PTPRC: variants seen among roughly 807,000 people sequenced by gnomAD.
PTPRC encodes protein tyrosine phosphatase receptor type C.
Under a neutral mutation model 155.9 loss-of-function variants are expected in PTPRC, and 44 were observed. The ratio of observed to expected loss-of-function variants is 0.28; its 90% CI spans 0.22 to 0.36. PTPRC has a LOEUF of 0.36. Among genes scored for constraint, PTPRC ranks in the 10% least tolerant of loss-of-function variants. PTPRC has a pLI of 1.00. For synonymous variants in PTPRC, 525 were observed against 533.1 expected, an observed-to-expected ratio of 0.98 and a Z score of 0.21; for missense variants, 1,401 against 1,564.6, an observed-to-expected ratio of 0.90 and a Z score of 1.76.
chr1:198,710,097 G>A (rs935782637), intron 11 of PTPRC, among the ~76,000 whole-genome samples: 2 of 152,048 alleles, frequency 1.3e-5, no homozygotes, highest in Admixed American at 1.3e-4. Context: ...ATTTAGCTCT[G>A]TTACCCACTT....
chr1:198,744,391 A>G (rs1558035990), intron 26 of PTPRC, among the ~76,000 whole-genome samples, 188 bp downstream of exon 26: 1 of 151,878 alleles, frequency 6.6e-6, no homozygotes, highest in Non-Finnish European at 1.5e-5. Context: ...CAACTATTAC[A>G]TAGGAGATTT....
chr1:198,756,279 A>G lies in PTPRC; in HGVS notation c.*98A>G. 7.0e-7 allele frequency: 1 copy of G among 1,429,866 alleles called. No homozygotes were observed. 88.6% of individuals were successfully genotyped at this position (1,429,866 alleles called of 1,614,324 possible). ...AAAATAGGTATACAGTGGATTAATTAAATGCAGCGAACCAATATTTGTAGA... is the reference window on the plus strand; with the variant it reads ...AAAATAGGTATACAGTGGATTAATTGAATGCAGCGAACCAATATTTGTAGA... On this transcript the variant is annotated 3_prime_UTR_variant, in exon 33 of 33. Transcript: ENST00000442510.
At chr1:198,696,074 C>G (rs941200495) in intron 3 of PTPRC, among the ~76,000 whole-genome samples, 1 of 151,802 alleles carries the variant, frequency 6.6e-6, no homozygotes, top group African/African-American at 2.4e-5. Context: ...GCAAGAGAAT[C>G]GCTTGAACCA....
intron 15 of PTPRC, among the ~76,000 whole-genome samples, chr1:198,723,148 C>T (rs1306272918): frequency 6.7e-6 from 1 of 149,474 alleles, no homozygotes; most frequent in Non-Finnish European, 1.5e-5. Flanking sequence ...ATATTGTATA[C>T]TGCTCTTTCT....
rs1654429978 is a variant in PTPRC at position 198,732,314 on chromosome 1, G to T, written c.1989G>T (p.Val663=). 5.6e-6 allele frequency: 9 copies of T among 1,612,104 alleles called. No individual in the cohort carries two copies. Among genetic ancestry groups the T allele is most frequent in the Non-Finnish European group, 7.6e-6 (9 of 1,178,796 alleles). The change falls in exon 19 of 33, where the codon GTG becomes GTT. Residue 663 remains valine (V), a synonymous_variant. Coordinates refer to ENST00000442510, the MANE Select transcript of PTPRC (RefSeq NM_002838.5). Reference sequence around the variant, plus strand: ...GTTTCTTTCAGAGCATCCCGCGGGTGTTCAGCAAGTTTCCTATAAAGGAAG... The same window carrying T: ...GTTTCTTTCAGAGCATCCCGCGGGTTTTCAGCAAGTTTCCTATAAAGGAAG... ...FLAEFQSIPR[V]FSKFPIKEAR...
chr1:198,689,814 A>C (rs536940347), intron 2 of PTPRC, among the ~76,000 whole-genome samples: 1 of 152,250 alleles, frequency 6.6e-6, no homozygotes, highest in East Asian at 1.9e-4. Context: ...TATGTGATTC[A>C]TGCTGATGTT....
In PTPRC at chr1:198,744,150, A is replaced by G. The variant is rs1289757315; in HGVS notation, c.2794A>G (p.Met932Val). ...TGAATTACATCCATATCTACATAACATGAAGAAAAGGGATCCACCCAGTGA... is the reference window on the plus strand; with the variant it reads ...TGAATTACATCCATATCTACATAACGTGAAGAAAAGGGATCCACCCAGTGA... Reference protein sequence around the residue: ...LSELHPYLHNMKKRDPPSEPS... With the variant: ...LSELHPYLHNVKKRDPPSEPS... Residue 932 changes from methionine to valine, a missense_variant, in exon 26 of 33, where the codon ATG becomes GTG. By Grantham distance (21) the Met-to-Val change is conservative (BLOSUM62 1). This residue lies in a region of PTPRC where 134 missense variants were observed against 204.7 expected (regional missense o/e 0.65). Transcript: ENST00000442510. 1.6e-5 allele frequency: 26 copies of G among 1,606,884 alleles called. No homozygotes were observed. The highest frequency in any genetic ancestry group is 2.1e-5 in the Non-Finnish European group (25 of 1,174,482).
Position 198,706,718 on chromosome 1 carries a change from T to G in PTPRC, c.686-16T>G. 1 of 1,600,484 alleles carries G rather than the reference T, an allele frequency of 6.2e-7. No individual in the cohort carries two copies. ...TATTCTGGAAAAATAACACTCAATG[T>G]TCTATTTTCTTTTAGATGAAAAATA... On this transcript the variant is annotated splice_polypyrimidine_tract_variant and intron_variant, in intron 8 of 32. Transcript: ENST00000442510.
At chr1:198,655,718 G>A (rs569204406) in intron 2 of PTPRC, among the ~76,000 whole-genome samples, 1 of 152,124 alleles carries the variant, frequency 6.6e-6, no homozygotes, top group Admixed American at 6.6e-5. Context: ...CCTGGGCATT[G>A]TAGGATGTTT....
At chr1:198,728,791 GT>G (rs1049073114) in intron 16 of PTPRC, among the ~76,000 whole-genome samples, 1 of 152,136 alleles carries the variant, frequency 6.6e-6, no homozygotes. Context: ...GGAAGTTAAT[GT>G]GTTTCTTTGG....
intron 17 of PTPRC, among the ~76,000 whole-genome samples, chr1:198,731,316 A>C (rs1029506496): frequency 1.3e-5 from 2 of 152,096 alleles, no homozygotes; most frequent in Non-Finnish European, 2.9e-5. Context: ...GCATATAGTC[A>C]AACGTGAATG....
At chr1:198,732,976 TCTGA>T (rs1274964991) in intron 20 of PTPRC, among the ~76,000 whole-genome samples, 1 of 151,800 alleles carries the variant, frequency 6.6e-6, no homozygotes, top group Non-Finnish European at 1.5e-5. Flanking sequence ...TCAACCAGAG[TCTGA>T]CTGACTCCAA....
chr1:198,742,403 G>C, intron 25 of PTPRC, 36 bp downstream of exon 25: 1 of 1,609,428 alleles, frequency 6.2e-7, no homozygotes, highest in Non-Finnish European at 8.5e-7. Context: ...TCTCACTTTG[G>C]TTTTTTGGAC....
At chr1:198,691,600 A>T (rs1021576462) in intron 2 of PTPRC, among the ~76,000 whole-genome samples, 2 of 151,992 alleles carry the variant, frequency 1.3e-5, no homozygotes, top group Non-Finnish European at 1.5e-5. Context: ...TGAAAGGTTG[A>T]TCTAAAATTC....
chr1:198,655,550 A>G (rs1232629845), intron 2 of PTPRC, among the ~76,000 whole-genome samples: 5 of 152,024 alleles, frequency 3.3e-5, no homozygotes, highest in Admixed American at 6.6e-5. Flanking sequence ...TCCTAACTCT[A>G]TTACTAATTC....
At position 198,742,324 on chromosome 1, in the gene PTPRC, T is replaced by C. The variant is rs552482393; in HGVS notation, c.2654T>C (p.Val885Ala). 5 of 1,612,322 alleles carry C rather than the reference T, an allele frequency of 3.1e-6. No homozygotes were observed. The highest frequency in any genetic ancestry group is 3.3e-5 in the Admixed American group (2 of 59,810). Residue 885 changes from valine (V) to alanine (A), a missense_variant, in exon 25 of 33, where the codon GTT (valine) becomes GCT (alanine). Transcript: ENST00000442510. ...AACAAAGTGGATGTTTATGGTTATG[T>C]TGTCAAGCTAAGGCGACAGAGATGC... ...AENKVDVYGYVVKLRRQRCLM... is the reference protein window; with the variant it reads ...AENKVDVYGYAVKLRRQRCLM...
At chr1:198,709,599 T>C in intron 10 of PTPRC, 88 bp from the exon 11 acceptor site, 1 of 1,153,066 alleles carries the variant, frequency 8.7e-7, no homozygotes, top group Non-Finnish European at 1.2e-6. Context: ...AAATATTAAA[T>C]AGAGAATTAT....
chr1:198,690,488 GAA>G (rs1341914120), intron 2 of PTPRC, among the ~76,000 whole-genome samples: 1 of 151,720 alleles, frequency 6.6e-6, no homozygotes, highest in Non-Finnish European at 1.5e-5. Flanking sequence ...GAATTATTAA[GAA>G]AAAGAGAAAT....
At position 198,704,582 on chromosome 1, in the gene PTPRC, C is replaced by T. The variant is rs149928725; in HGVS notation, c.685+84C>T. ...CTTTCTTTATTCCAAGCTTTCAGGA[C>T]CCACTAGTAAGCTAAACTCACTGGC... is the stretch of plus-strand genomic sequence containing the variant. On this transcript the variant is annotated intron_variant, in intron 8 of 32. Transcript: ENST00000442510. The T allele has an allele frequency of 3.1e-6, 5 of 1,610,488 alleles. No homozygotes were observed. In the East Asian group the frequency reaches 1.1e-4, roughly 36 times the overall value.
Sources: allele counts gnomAD v4.1 joint callset (sites outside exome capture counted in the v4.1 genomes callset), GRCh38; gene constraint gnomAD v4.1.1; regional missense constraint gnomAD v4.1.1; transcripts MANE v1.5; gene names NCBI Gene and HGNC (gene_info 2026-07-23, HGNC 2026-07-21).